KRT17: variants seen among roughly 807,000 people sequenced by gnomAD.
KRT17 encodes the protein keratin, type I cytoskeletal 17.
KRT17 carries 29 observed loss-of-function variants against 45.6 expected under a neutral mutation model. The observed-to-expected ratio is 0.64, with a 90% confidence interval of 0.47 to 0.87. The LOEUF is 0.87. Ranked by LOEUF, KRT17 falls within the 40% of genes least tolerant of loss-of-function variation. The pLI is 0.00. For missense variants in KRT17, 536 were observed against 577.8 expected (o/e 0.93, Z 0.74); for synonymous variants, 219 against 234.6 (o/e 0.93, Z 0.61).
At position 41,619,442 on chromosome 17, in the gene KRT17, TAG is replaced by T. The variant is rs942305230; in HGVS notation, c.*150_*151del. 3 of 1,406,662 alleles carry T rather than the reference TAG, an allele frequency of 2.1e-6. No individual in the cohort carries two copies. The African/African-American group carries it at 4.2e-5, about 20-fold the overall frequency. 87.1% of individuals were successfully genotyped at this position (1,406,662 alleles called of 1,614,324 possible). Reference sequence around the variant, plus strand: ...GGGGCCAGAACAAGGACACATTTCATAGCTGAGTCAACAAGCTTTATTGTCAT... The same window carrying T: ...GGGGCCAGAACAAGGACACATTTCATCTGAGTCAACAAGCTTTATTGTCAT... On this transcript the variant is annotated 3_prime_UTR_variant, in exon 8 of 8. Coordinates refer to ENST00000311208, the MANE Select transcript of KRT17 (RefSeq NM_000422.3).
intron 1 of KRT17, 64 bp from the exon 2 acceptor site, chr17:41,623,096 G>A: frequency 8.1e-7 from 1 of 1,238,552 alleles, no homozygotes; most frequent in Non-Finnish European, 1.2e-6. Flanking sequence ...CCAGGGTTCT[G>A]AGCAGATCTT....
At chr17:41,620,625 A>ACC in intron 6 of KRT17, 34 bp downstream of exon 6, 2 of 1,608,996 alleles carry the variant, frequency 1.2e-6, no homozygotes, top group Non-Finnish European at 1.7e-6. Context: ...CTGCCAAGAG[A>ACC]CCCCCAGCCC....
intron 7 of KRT17, 111 bp downstream of exon 7, chr17:41,620,425 G>A (rs1217724317): frequency 5.6e-6 from 9 of 1,608,144 alleles, no homozygotes; most frequent in Non-Finnish European, 7.6e-6. Flanking sequence ...TCCCTGCTGA[G>A]GGACAGCCAT....
chr17:41,621,769 G>A lies in KRT17; in HGVS notation c.673-15C>T. ...GCGTTCATCTCCTATGGAAAAAGGG[G>A]ATGTGGATGTGCGCATCTGGACCCA... On this transcript the variant is annotated splice_polypyrimidine_tract_variant and intron_variant, in intron 3 of 7. Transcript: ENST00000311208. 1.2e-6 allele frequency: 2 copies of A among 1,611,994 alleles called. No individual in the cohort carries two copies. Among genetic ancestry groups the A allele is most frequent in the Non-Finnish European group, 1.7e-6 (2 of 1,179,848 alleles).
Position 41,619,664 on chromosome 17 carries a change from G to A in KRT17, c.1229C>T (p.Thr410Ile), listed in dbSNP as rs766848922. The A allele has an allele frequency of 6.2e-7, 1 of 1,612,230 alleles. No individual in the cohort carries two copies. The highest frequency in any genetic ancestry group is 1.1e-5 in the South Asian group (1 of 90,996). ...KEPVTTRQVR[T>I]IVEEVQDGKV... ...GCCATCCTGGACCTCTTCCACAATG[G>A]TACGCACCTGACGGGTGGTCACCGC... The change falls in exon 8 of 8, where the codon ACC becomes ATC. Residue 410 changes from threonine to isoleucine, a missense_variant. Thr to Ile is a moderately conservative substitution (Grantham distance 89). Coordinates refer to ENST00000311208, the MANE Select transcript of KRT17 (RefSeq NM_000422.3).
At chr17:41,621,550 C>A (rs1157727122) in intron 4 of KRT17, 43 bp downstream of exon 4, 1 of 1,611,336 alleles carries the variant, frequency 6.2e-7, no homozygotes, top group Admixed American at 1.7e-5. Context: ...GGCCCCTGAG[C>A]CCCAGCCCCT....
Position 41,622,855 on chromosome 17 carries a change from G to C in KRT17, c.515+95C>G, listed in dbSNP as rs1908590005. 23 of 1,136,724 alleles carry C rather than the reference G, an allele frequency of 2.0e-5. No individual in the cohort carries two copies. In the South Asian group the frequency reaches 2.8e-4, roughly 14 times the overall value. 70.4% of individuals were successfully genotyped at this position (1,136,724 alleles called of 1,614,324 possible). On this transcript the variant is annotated intron_variant, in intron 2 of 7. Coordinates refer to ENST00000311208, the MANE Select transcript of KRT17 (RefSeq NM_000422.3). Reference sequence around the variant, plus strand: ...GCCCCACCCTGAGCTCCTGGGCCTTGCCACAAGCAACCAAGGAATCCTGGG... The same window carrying C: ...GCCCCACCCTGAGCTCCTGGGCCTTCCCACAAGCAACCAAGGAATCCTGGG...
chr17:41,623,335 G>A (rs1908611469), intron 1 of KRT17: 1 of 373,380 alleles, frequency 2.7e-6, no homozygotes, highest in Non-Finnish European at 5.2e-6. Flanking sequence ...CAGGGCAGAA[G>A]CTGTCCCAGA....
chr17:41,622,201 C>T, intron 3 of KRT17, 154 bp downstream of exon 3: 1 of 979,892 alleles, frequency 1.0e-6, no homozygotes, highest in Non-Finnish European at 1.6e-6. Flanking sequence ...CACTGGACCC[C>T]AAGGATCAGG....
At position 41,624,404 on chromosome 17, in the gene KRT17, C is replaced by A; in HGVS notation, c.106G>T (p.Gly36Cys). The A allele has an allele frequency of 6.2e-7, 1 of 1,610,436 alleles. No homozygotes were observed. The highest frequency in any genetic ancestry group is 1.1e-5 in the South Asian group (1 of 90,962). Residue 36 changes from glycine to cysteine, a missense_variant, in exon 1 of 8, where the codon GGT becomes TGT. Coordinates refer to ENST00000311208, the MANE Select transcript of KRT17 (RefSeq NM_000422.3). Reference sequence around the variant, plus strand: ...GATCCCAGCCTGCAGGAGCCGGCACCCAGGCCGCCAGACAGCCGGCAGGAG... The same window carrying A: ...GATCCCAGCCTGCAGGAGCCGGCACACAGGCCGCCAGACAGCCGGCAGGAG... Reference protein sequence around the residue: ...RTSCRLSGGLGAGSCRLGSAG... With the variant: ...RTSCRLSGGLCAGSCRLGSAG...
intron 1 of KRT17, among the ~76,000 whole-genome samples, chr17:41,623,790 C>T (rs1351395699): frequency 6.6e-6 from 1 of 152,194 alleles, no homozygotes; most frequent in Non-Finnish European, 1.5e-5. Context: ...TCTGCATCCT[C>T]CTGCCTCATC....
chr17:41,621,082 G>C lies in KRT17; in HGVS notation c.844C>G (p.Leu282Val). The change falls in exon 5 of 8, where the codon CTG becomes GTG. Residue 282 changes from leucine to valine, a missense_variant. By Grantham distance (32) the Leu-to-Val change is conservative (BLOSUM62 1). Transcript: ENST00000311208. ...EDWFFSKTEE[L>V]NREVATNSEL... ...CTGTTGGTGGCCACCTCGCGGTTCAGTTCCTCTGTCTGCAGACAGGACACA... is the reference window on the plus strand; with the variant it reads ...CTGTTGGTGGCCACCTCGCGGTTCACTTCCTCTGTCTGCAGACAGGACACA... The C allele has an allele frequency of 6.2e-7, 1 of 1,613,918 alleles. No individual in the cohort carries two copies. Among genetic ancestry groups the C allele is most frequent in the Non-Finnish European group, 8.5e-7 (1 of 1,179,914 alleles).
In KRT17 at chr17:41,621,098, A is replaced by G. The variant is rs1284776046; in HGVS notation, c.835-7T>C. The G allele has an allele frequency of 1.2e-6, 2 of 1,613,580 alleles. No individual in the cohort carries two copies. The highest frequency in any genetic ancestry group is 1.7e-6 in the Non-Finnish European group (2 of 1,179,872). On this transcript the variant is annotated splice_region_variant and splice_polypyrimidine_tract_variant and intron_variant, in intron 4 of 7. Transcript: ENST00000311208. ...CGCGGTTCAGTTCCTCTGTCTGCAG[A>G]CAGGACACAGGACAGGGCGGTGTGA... is the stretch of plus-strand genomic sequence containing the variant.
chr17:41,623,170 G>A, intron 1 of KRT17, 138 bp from the exon 2 acceptor site: 1 of 706,574 alleles, frequency 1.4e-6, no homozygotes. Flanking sequence ...TATTGGCAGA[G>A]GAGGGGCAAA....
chr17:41,621,585 C>G lies in KRT17; in HGVS notation c.834+8G>C, dbSNP rs775506304. 12 of 1,611,574 alleles carry G rather than the reference C, an allele frequency of 7.4e-6. No homozygotes were observed. The highest frequency in any genetic ancestry group is 1.0e-5 in the Non-Finnish European group (12 of 1,179,620). On this transcript the variant is annotated splice_region_variant and intron_variant, in intron 4 of 7. Transcript: ENST00000311208. ...TAAGAGAGCCCTCTGGCCTGCAGCA[C>G]CCCCCACCTTGCTGAAGAACCAATC...
At position 41,621,575 on chromosome 17, in the gene KRT17, G is replaced by C; in HGVS notation, c.834+18C>G. Reference sequence around the variant, plus strand: ...CCCCAGCCCCTAAGAGAGCCCTCTGGCCTGCAGCACCCCCCACCTTGCTGA... The same window carrying C: ...CCCCAGCCCCTAAGAGAGCCCTCTGCCCTGCAGCACCCCCCACCTTGCTGA... On this transcript the variant is annotated intron_variant, in intron 4 of 7. Coordinates refer to ENST00000311208, the MANE Select transcript of KRT17 (RefSeq NM_000422.3). The C allele has an allele frequency of 2.5e-6, 4 of 1,611,960 alleles. No homozygotes were observed. Among genetic ancestry groups the C allele is most frequent in the Non-Finnish European group, 3.4e-6 (4 of 1,179,816 alleles).
intron 2 of KRT17, 98 bp from the exon 3 acceptor site, chr17:41,622,609 G>A (rs1908580481): frequency 2.8e-6 from 4 of 1,419,586 alleles, no homozygotes; most frequent in Non-Finnish European, 4.0e-6. Context: ...ACTCTAAGGA[G>A]TTGGAAGGGC....
In KRT17 at chr17:41,624,267, A is replaced by G. The variant is rs749359456; in HGVS notation, c.243T>C (p.Ala81=). 89 of 1,612,408 alleles carry G rather than the reference A, an allele frequency of 5.5e-5. No homozygotes were observed. Among genetic ancestry groups the G allele is most frequent in the South Asian group, 1.4e-4 (13 of 91,010 alleles). ...SSFGGVDGLL[A]GGEKATMQNL... ...TCTGCATGGTGGCCTTCTCACCTCC[A>G]GCCAGCAGCCCATCAACACCCCCAA... Residue 81 remains alanine (A), a synonymous_variant, in exon 1 of 8, where the codon GCT becomes GCC. Transcript: ENST00000311208.
rs746200279 is a variant in KRT17 at position 41,622,455 on chromosome 17, C to A, written c.572G>T (p.Arg191Leu). The A allele has an allele frequency of 5.6e-5, 90 of 1,613,952 alleles. No individual in the cohort carries two copies. Among genetic ancestry groups the A allele is most frequent in the Non-Finnish European group, 7.5e-5 (89 of 1,180,044 alleles). The change falls in exon 3 of 8, where the codon CGC becomes CTC. Residue 191 changes from arginine to leucine, a missense_variant. By Grantham distance (102) the Arg-to-Leu change is moderately radical. Transcript: ENST00000311208. ...LSVEADINGL[R>L]RVLDELTLAR... is the part of the protein sequence containing the mutation. ...CAGGGTCAGCTCATCCAGCACCCTG[C>A]GCAGGCCATTGATGTCGGCCTCCAC...
Sources: allele counts gnomAD v4.1 joint callset (sites outside exome capture counted in the v4.1 genomes callset), GRCh38; gene constraint gnomAD v4.1.1; transcripts MANE v1.5; gene names NCBI Gene and HGNC (gene_info 2026-07-23, HGNC 2026-07-21).